The following P4HA3 variants were observed in gnomAD, a reference collection of about 807,000 sequenced individuals.
The protein encoded by P4HA3 is prolyl 4-hydroxylase subunit alpha-3.
In P4HA3, 60 loss-of-function variants were observed where a neutral mutation model predicts 66.7. That is an observed-to-expected ratio of 0.90 (90% CI 0.73 to 1.12). The LOEUF is 1.12. Among genes scored for constraint, P4HA3 ranks in the 50% most tolerant of loss-of-function variants. The pLI is 0.00. For synonymous variants in P4HA3, 263 were observed against 274.6 expected (o/e 0.96, Z 0.42); for missense variants, 683 against 685.8 (o/e 1.00, Z 0.05).
intron 7 of P4HA3, among the ~76,000 whole-genome samples, chr11:74,279,687 A>G (rs1053885077): frequency 1.3e-5 from 2 of 152,242 alleles, no homozygotes; most frequent in African/African-American, 4.8e-5. Context: ...CACTGTGTCT[A>G]GTCGACAGTA....
intron 1 of P4HA3, among the ~76,000 whole-genome samples, chr11:74,306,339 G>C (rs996470104): frequency 1.3e-5 from 2 of 152,130 alleles, no homozygotes; most frequent in African/African-American, 4.8e-5. Flanking sequence ...AAAAGATGCT[G>C]TTTCCTTTCC....
intron 7 of P4HA3, among the ~76,000 whole-genome samples, chr11:74,282,533 C>T (rs902665333): frequency 3.9e-5 from 6 of 151,932 alleles, no homozygotes; most frequent in Non-Finnish European, 2.9e-5. Context: ...CGTCAAGTGC[C>T]GGGGGAGATG....
chr11:74,252,294 G>C, intron 15 of P4HA3: 1 of 293,100 alleles, frequency 3.4e-6, no homozygotes, highest in Middle Eastern at 1.3e-3. Context: ...CTCCATGTTG[G>C]CCAGGCTGGT....
intron 15 of P4HA3, among the ~76,000 whole-genome samples, chr11:74,255,479 C>G (rs1859811136): frequency 6.6e-6 from 1 of 152,184 alleles, no homozygotes. Flanking sequence ...AACCCAAGCC[C>G]CACCCCTTAC....
At chr11:74,272,281 C>T (rs924769524) in intron 10 of P4HA3, among the ~76,000 whole-genome samples, 4 of 152,156 alleles carry the variant, frequency 2.6e-5, no homozygotes, top group Non-Finnish European at 5.9e-5. Flanking sequence ...CTTATACCCA[C>T]GCTACCTTCG....
chr11:74,311,237 G>C, intron 1 of P4HA3, 175 bp downstream of exon 1: 1 of 750,484 alleles, frequency 1.3e-6, no homozygotes, highest in African/African-American at 1.9e-5. Context: ...CTGGCCCTCA[G>C]AGCCACTCCC....
In P4HA3 at chr11:74,279,443, A is replaced by T; in HGVS notation, c.1120T>A (p.Ser374Thr). The change falls in exon 8 of 13, where the codon TCA becomes ACA. Residue 374 changes from serine to threonine, a missense_variant. By Grantham distance (58) the Ser-to-Thr change is moderately conservative (BLOSUM62 1). Transcript: ENST00000331597. ...RELAEPWLQRSVVASGEKQLQ... is the reference protein window; with the variant it reads ...RELAEPWLQRTVVASGEKQLQ... ...TGCTTCTCCCCTGATGCCACCACTGACCTCTGTAGCTGGTGGGAAGAATGT... is the reference window on the plus strand; with the variant it reads ...TGCTTCTCCCCTGATGCCACCACTGTCCTCTGTAGCTGGTGGGAAGAATGT... The T allele has an allele frequency of 6.2e-7, 1 of 1,613,866 alleles. No homozygotes were observed. The highest frequency in any genetic ancestry group is 1.1e-5 in the South Asian group (1 of 91,064).
At chr11:74,264,913 G>A (rs971487787), downstream of P4HA3, among the ~76,000 whole-genome samples, 10 of 152,130 alleles carry the variant, frequency 6.6e-5, no homozygotes, top group African/African-American at 2.2e-4. Context: ...AGACTTTCCT[G>A]TGTCTCAGTC....
In P4HA3 at chr11:74,286,378, C is replaced by G. The variant is rs189663977; in HGVS notation, c.783G>C (p.Lys261Asn). Residue 261 changes from lysine to asparagine, a missense_variant, in exon 6 of 13, where the codon AAG becomes AAC. Coordinates refer to ENST00000331597, the MANE Select transcript of P4HA3 (RefSeq NM_182904.5). ...REFLLYSPDN[K>N]RMARNVLKYE... ...ATTTCAAGACATTCCTGGCCATCCT[C>G]TTATTATCTGGGCCTGGAAGAAATC... 4.5e-5 allele frequency: 70 copies of G among 1,548,924 alleles called. No homozygotes were observed. The Admixed American group carries it at 1.3e-3, about 29-fold the overall frequency.
chr11:74,311,623 G>A lies in P4HA3; in HGVS notation c.-12C>T, dbSNP rs780115082. The A allele has an allele frequency of 2.0e-6, 3 of 1,488,340 alleles. No individual in the cohort carries two copies. Among genetic ancestry groups the A allele is most frequent in the Non-Finnish European group, 2.7e-6 (3 of 1,130,546 alleles). The allele number at this position is 1,488,340 out of a possible 1,614,324, so 92.2% of individuals were successfully genotyped here. Reference sequence around the variant, plus strand: ...GCCCCAGGACCCATAGCCAGCGCTCGCGAACTTCCCCTCAGACAGTCCTGG... The same window carrying A: ...GCCCCAGGACCCATAGCCAGCGCTCACGAACTTCCCCTCAGACAGTCCTGG... On this transcript the variant is annotated 5_prime_UTR_variant, in exon 1 of 13. Coordinates refer to ENST00000331597, the MANE Select transcript of P4HA3 (RefSeq NM_182904.5).
chr11:74,288,238 C>T (rs986552329), intron 5 of P4HA3, among the ~76,000 whole-genome samples: 15 of 152,172 alleles, frequency 9.9e-5, no homozygotes, highest in African/African-American at 3.4e-4. Context: ...GCAAGAGACT[C>T]CCTGAAGGGG....
chr11:74,311,583 A>G lies in P4HA3; in HGVS notation c.29T>C (p.Leu10Pro). 6.5e-7 allele frequency: 1 copy of G among 1,534,638 alleles called. No homozygotes were observed. Among genetic ancestry groups the G allele is most frequent in the Non-Finnish European group, 8.7e-7 (1 of 1,152,324 alleles). ...TGTCCCGAGCGCCAGCACCGCCAGCAGCGCCGCCAGCCGCGCCCCAGGACC... is the reference window on the plus strand; with the variant it reads ...TGTCCCGAGCGCCAGCACCGCCAGCGGCGCCGCCAGCCGCGCCCCAGGACC... MGPGARLAALLAVLALGTGD... is the reference protein window; with the variant it reads MGPGARLAAPLAVLALGTGD... The change falls in exon 1 of 13, where the codon CTG becomes CCG. Residue 10 changes from leucine to proline, a missense_variant. Coordinates refer to ENST00000331597, the MANE Select transcript of P4HA3 (RefSeq NM_182904.5).
In P4HA3 at chr11:74,285,877, T is replaced by A; in HGVS notation, c.1042A>T (p.Ile348Phe). Residue 348 changes from isoleucine (I) to phenylalanine (F), a missense_variant, in exon 7 of 13, where the codon ATT becomes TTT. Ile to Phe is a conservative substitution (Grantham distance 21). Coordinates refer to ENST00000331597, the MANE Select transcript of P4HA3 (RefSeq NM_182904.5). Reference sequence around the variant, plus strand: ...CTGACGAAGTCATGGTAGAGAGCAATGTAGGGCTCCAGGTGGATGACCTCC... The same window carrying A: ...CTGACGAAGTCATGGTAGAGAGCAAAGTAGGGCTCCAGGTGGATGACCTCC... ...RKEVIHLEPY[I>F]ALYHDFVSDS... is the part of the protein sequence containing the mutation. The A allele has an allele frequency of 6.2e-7, 1 of 1,614,032 alleles. No homozygotes were observed. Among genetic ancestry groups the A allele is most frequent in the Non-Finnish European group, 8.5e-7 (1 of 1,179,922 alleles).
intron 15 of P4HA3, chr11:74,250,758 G>A: frequency 3.5e-6 from 2 of 573,288 alleles, no homozygotes; most frequent in Non-Finnish European, 3.1e-6. Flanking sequence ...GAAGGAAAAA[G>A]TGAAGGGAAA....
chr11:74,253,548 T>C, intron 15 of P4HA3: 2 of 1,582,704 alleles, frequency 1.3e-6, no homozygotes, highest in Non-Finnish European at 1.7e-6. Flanking sequence ...TCGAGCTCTG[T>C]TGTAAATACG....
At chr11:74,260,333 C>G (rs1859887196) in intron 14 of P4HA3, among the ~76,000 whole-genome samples, 1 of 152,150 alleles carries the variant, frequency 6.6e-6, no homozygotes, top group Non-Finnish European at 1.5e-5. Flanking sequence ...GCAGCTCACA[C>G]AGTGGCAGCA....
At chr11:74,297,021 T>C (rs956205333) in intron 4 of P4HA3, among the ~76,000 whole-genome samples, 10 of 147,410 alleles carry the variant, frequency 6.8e-5, no homozygotes, top group Non-Finnish European at 1.2e-4. Flanking sequence ...AACTTCCACC[T>C]CTCGGGCTCA....
chr11:74,294,367 T>C (rs1861142074), intron 4 of P4HA3, among the ~76,000 whole-genome samples: 2 of 152,144 alleles, frequency 1.3e-5, no homozygotes, highest in South Asian at 4.1e-4. Context: ...TTTCAAAGCT[T>C]TTAACTTCTT....
At chr11:74,279,184 C>T (rs1591101942) in intron 8 of P4HA3, among the ~76,000 whole-genome samples, 1 of 152,160 alleles carries the variant, frequency 6.6e-6, no homozygotes, top group East Asian at 1.9e-4. Context: ...CTCGAATGGC[C>T]TTCTAGTTAA....
Sources: gnomAD v4.1 joint callset for allele counts (sites outside exome capture counted in the v4.1 genomes callset) on GRCh38, gnomAD v4.1.1 for gene constraint, MANE v1.5 for transcripts, NCBI Gene and HGNC (gene_info 2026-07-23, HGNC 2026-07-21) for gene names.